NCOR2: variants seen among roughly 807,000 people sequenced by gnomAD.
NCOR2 encodes the protein CTG repeat protein 26.
Under a neutral mutation model 262.9 loss-of-function variants are expected in NCOR2, and 81 were observed. The observed-to-expected ratio is 0.31, with a 90% CI of 0.26 to 0.37. The LOEUF (loss-of-function observed/expected upper bound fraction) is 0.37, where lower values mean the gene tolerates loss of function less well. NCOR2 is among the 10% of genes least tolerant of loss of function. NCOR2 has a pLI of 1.00. For synonymous variants in NCOR2, 1,659 were observed against 1,559.3 expected (o/e 1.06, Z -1.51); for missense variants, 3,385 against 3,621.4 (o/e 0.93, Z 1.68).
chr12:124,388,772 G>T, intron 16 of NCOR2: 1 of 1,303,760 alleles, frequency 7.7e-7, no homozygotes, highest in Non-Finnish European at 1.0e-6. Context: ...GAAGTGGGCC[G>T]GCAGGCTGGG....
intron 1 of NCOR2, among the ~76,000 whole-genome samples, chr12:124,560,690 G>A (rs1206286206): frequency 6.6e-6 from 1 of 152,236 alleles, no homozygotes; most frequent in African/African-American, 2.4e-5. Context: ...TATGCCAAGA[G>A]CATCTCGGAG....
intron 7 of NCOR2, among the ~76,000 whole-genome samples, chr12:124,446,300 TCCTC>T (rs777733125): frequency 2.0e-5 from 3 of 152,124 alleles, no homozygotes; most frequent in Non-Finnish European, 4.4e-5. Flanking sequence ...CCCAGGTCCT[TCCTC>T]CCTGCAGCCA....
At chr12:124,500,315 G>A (rs938705129) in intron 1 of NCOR2, among the ~76,000 whole-genome samples, 1 of 152,198 alleles carries the variant, frequency 6.6e-6, no homozygotes, top group Non-Finnish European at 1.5e-5. Context: ...ATGCACGGCT[G>A]CAGGGGTCTG....
At chr12:124,455,240 G>A (rs997254825) in intron 6 of NCOR2, among the ~76,000 whole-genome samples, 4 of 152,210 alleles carry the variant, frequency 2.6e-5, no homozygotes, top group African/African-American at 9.7e-5. Flanking sequence ...CGTGTGAATT[G>A]TACCTCAATA....
At chr12:124,540,035 G>C (rs1003554283), upstream of NCOR2, among the ~76,000 whole-genome samples, 3 of 152,052 alleles carry the variant, frequency 2.0e-5, no homozygotes, top group Non-Finnish European at 2.9e-5. Context: ...AGAGGGGACA[G>C]ACCCCCTGTT....
intron 1 of NCOR2, chr12:124,514,111 T>G (rs2049573984): frequency 6.6e-6 from 1 of 152,204 alleles, no homozygotes; most frequent in Non-Finnish European, 1.5e-5. Flanking sequence ...CCCCAAAATC[T>G]GCATGTTGAG....
At chr12:124,469,878 T>G (rs1157506977) in intron 4 of NCOR2, among the ~76,000 whole-genome samples, 1 of 152,184 alleles carries the variant, frequency 6.6e-6, no homozygotes, top group Non-Finnish European at 1.5e-5. Context: ...AAAAAAGGGT[T>G]GGTGTGGCTA....
chr12:124,334,438 G>A lies in NCOR2; in HGVS notation c.6591C>T (p.Ser2197=), dbSNP rs181072341. ...CCCTCGCTCACCTCTTGCCCCCTTC[G>A]CTGTGGGGGGAGCCACGGGCCGGGG... Residue 2197 remains serine, a synonymous_variant, in exon 41 of 47, where the codon AGC becomes AGT. Coordinates refer to ENST00000405201, the Ensembl canonical transcript of NCOR2. 1,997 of 1,502,384 alleles carry A rather than the reference G, an allele frequency of 1.3e-3. 24 individuals carry two copies. The African/African-American group carries it at 0.025, about 19-fold the overall frequency. 93.1% of individuals were successfully genotyped at this position (1,502,384 alleles called of 1,614,324 possible).
At chr12:124,509,959 C>T (rs530040317) in intron 1 of NCOR2, among the ~76,000 whole-genome samples, 27 of 152,258 alleles carry the variant, frequency 1.8e-4, no homozygotes, top group African/African-American at 6.3e-4. Flanking sequence ...CTAGCCGCAC[C>T]GCAGAACCAA....
intron 13 of NCOR2, among the ~76,000 whole-genome samples, chr12:124,404,581 C>A (rs2042169617): frequency 6.6e-6 from 1 of 152,220 alleles, no homozygotes; most frequent in South Asian, 2.1e-4. Flanking sequence ...AAATGCAGCT[C>A]CACACCCATC....
chr12:124,350,485 G>T, intron 28 of NCOR2, 102 bp downstream of exon 30: 1 of 1,449,114 alleles, frequency 6.9e-7, no homozygotes, highest in Non-Finnish European at 9.4e-7. Flanking sequence ...ATCAGATTGT[G>T]CTTTCTGATG....
At chr12:124,501,896 T>C (rs1438654334) in intron 1 of NCOR2, among the ~76,000 whole-genome samples, 3 of 152,216 alleles carry the variant, frequency 2.0e-5, no homozygotes, top group Non-Finnish European at 1.5e-5. Context: ...ACAAAACCAC[T>C]GCAGCCAGTC....
rs5801559 is a variant in NCOR2, at chr12:124,523,636, T to TAAAAAA, written c.-118+11923_-118+11928dup. Among the ~76,000 whole-genome samples the TAAAAAA allele has an allele frequency of 5.8e-5, 8 of 138,590 alleles. No homozygotes were observed. Among genetic ancestry groups the TAAAAAA allele is most frequent in the African/African-American group, 2.2e-4 (8 of 36,072 alleles). 90.9% of individuals were successfully genotyped at this position (138,590 alleles called of 152,430 possible). On this transcript the variant is annotated intron_variant, in intron 1 of 46. Transcript: ENST00000404621. This position sits in a 1 kb window ranked among gnomAD's most constrained non-coding sequence, Gnocchi z 4.0. Reference sequence around the variant, plus strand: ...CTAACACTAACCATAGCTGATGAACTAAAAAAAAAAAAAACAAAAAACCGA... The same window carrying TAAAAAA: ...CTAACACTAACCATAGCTGATGAACTAAAAAAAAAAAAAAAAAAAACAAAAAACCGA...
chr12:124,355,265 CCCTGAGTGCCTGGGGCAG>C, intron 24 of NCOR2, 149 bp downstream of exon 26: 1 of 777,072 alleles, frequency 1.3e-6, no homozygotes, highest in Non-Finnish European at 2.0e-6. Flanking sequence ...AGGGACGAGG[CCCTGAGTGCCTGGGGCAG>C]GACCCAGCCA....
intron 1 of NCOR2, among the ~76,000 whole-genome samples, chr12:124,520,599 T>G (rs2050129837): frequency 6.6e-6 from 1 of 152,128 alleles, no homozygotes; most frequent in South Asian, 2.1e-4. Context: ...CGCCAGACAC[T>G]CCGCAGCAAA....
chr12:124,332,388 T>C (rs1313859236), exon 43 of NCOR2: 4 of 1,614,220 alleles, frequency 2.5e-6, no homozygotes. Context: ...GACTTGACCA[T>C]GGCGGAGTTG....
At chr12:124,348,351 C>T in intron 28 of NCOR2, 37 bp from the exon 31 acceptor site, 1 of 1,571,682 alleles carries the variant, frequency 6.4e-7, no homozygotes. Context: ...AGGAGCTGGG[C>T]ACGGGCCCAG....
exon 41 of NCOR2, chr12:124,334,598 T>A: frequency 7.1e-7 from 1 of 1,401,348 alleles, no homozygotes; most frequent in Middle Eastern, 2.2e-4. Context: ...GTGCCGGGTG[T>A]AGTCCTGTGT....
chr12:124,401,758 C>T (rs2041998484), intron 14 of NCOR2, among the ~76,000 whole-genome samples: 1 of 152,228 alleles, frequency 6.6e-6, no homozygotes, highest in South Asian at 2.1e-4. Flanking sequence ...TCCTGAAAGG[C>T]CCTTGCTGGA....
Sources: gnomAD v4.1 joint callset for allele counts (sites outside exome capture counted in the v4.1 genomes callset) on GRCh38, gnomAD v4.1.1 for gene constraint, Gnocchi (gnomAD v3.1) non-coding constraint, MANE v1.5 for transcripts, NCBI Gene and HGNC (gene_info 2026-07-23, HGNC 2026-07-21) for gene names.